Variants in NIPSNAP2 observed in about 807,000 individuals in gnomAD.
The protein encoded by NIPSNAP2 is protein NipSnap homolog 2.
In NIPSNAP2, 42 loss-of-function variants were observed where a neutral mutation model predicts 48.4. The ratio of observed to expected loss-of-function variants is 0.87; its 90% CI spans 0.68 to 1.12. The LOEUF (loss-of-function observed/expected upper bound fraction) is 1.12, where lower values mean the gene tolerates loss of function less well. NIPSNAP2 is among the 50% of genes most tolerant of loss of function. The pLI, the probability that NIPSNAP2 is intolerant of heterozygous loss-of-function variation, is 0.00. For synonymous variants in NIPSNAP2, 158 were observed against 126.6 expected (o/e 1.25, Z -1.67); for missense variants, 314 against 347.3 (o/e 0.90, Z 0.76).
At chr7:55,969,932 G>A (rs549948719) in intron 1 of NIPSNAP2, among the ~76,000 whole-genome samples, 144 of 146,360 alleles carry the variant, frequency 9.8e-4, no homozygotes, top group Admixed American at 6.6e-3. Context: ...GCAGTGAGCC[G>A]AGATCCCACC....
chr7:55,968,496 C>G (rs550197717), intron 1 of NIPSNAP2, among the ~76,000 whole-genome samples: 1 of 151,956 alleles, frequency 6.6e-6, no homozygotes, highest in East Asian at 1.9e-4. Flanking sequence ...AGTGATTCTC[C>G]TGTCTCAGCC....
intron 7 of NIPSNAP2, among the ~76,000 whole-genome samples, chr7:55,987,738 T>G (rs1209302876): frequency 6.6e-6 from 1 of 152,166 alleles, no homozygotes; most frequent in Admixed American, 6.6e-5. Flanking sequence ...TCTCCTTATG[T>G]GAAGTATCCA....
chr7:55,994,171 T>TG (rs1787508210), intron 7 of NIPSNAP2, among the ~76,000 whole-genome samples: 1 of 152,166 alleles, frequency 6.6e-6, no homozygotes, highest in African/African-American at 2.4e-5. Context: ...TACAGTGCCC[T>TG]GTGGCACCTT....
At chr7:55,998,883 A>G (rs1267782035) in intron 9 of NIPSNAP2, 125 bp from the exon 10 acceptor site, 5 of 814,438 alleles carry the variant, frequency 6.1e-6, no homozygotes, top group Non-Finnish European at 1.1e-5. Context: ...AGTCCTGTAT[A>G]TTATGATATT....
intron 7 of NIPSNAP2, among the ~76,000 whole-genome samples, chr7:55,985,231 A>T (rs1279992937): frequency 1.3e-5 from 2 of 152,062 alleles, no homozygotes; most frequent in South Asian, 2.1e-4. Context: ...CCTTTTTTTT[A>T]AAAGCAAAAC....
chr7:55,969,907 C>T (rs963508649), intron 1 of NIPSNAP2, among the ~76,000 whole-genome samples: 10 of 148,060 alleles, frequency 6.8e-5, no homozygotes, highest in Middle Eastern at 3.6e-3. Context: ...GGCGTGAACC[C>T]GGGAGGCGGA....
rs565391539 is a variant in NIPSNAP2, at chr7:55,983,661, A to G, written c.445-67A>G. On this transcript the variant is annotated intron_variant, in intron 5 of 9. Transcript: ENST00000322090. ...ATTATAGTATTCTGTAGGAACATCAATGTTACTGAAATGGGCTTATATGTA... is the reference window on the plus strand; with the variant it reads ...ATTATAGTATTCTGTAGGAACATCAGTGTTACTGAAATGGGCTTATATGTA... 3.9e-5 allele frequency: 60 copies of G among 1,525,602 alleles called. No homozygotes were observed. In the East Asian group the frequency reaches 7.7e-4, roughly 19 times the overall value. 94.5% of individuals were successfully genotyped at this position (1,525,602 alleles called of 1,614,324 possible). A position where few individuals can be genotyped will look rare whatever the true frequency, so the allele number is the denominator to read the frequency against.
chr7:55,982,286 G>A lies in NIPSNAP2; in HGVS notation c.444+6G>A, dbSNP rs889986819. 2 of 1,556,262 alleles carry A rather than the reference G, an allele frequency of 1.3e-6. No homozygotes were observed. The highest frequency in any genetic ancestry group is 8.9e-7 in the Non-Finnish European group (1 of 1,129,466). On this transcript the variant is annotated splice_donor_region_variant and intron_variant, in intron 5 of 9. Transcript: ENST00000322090. ...ATAAACTCAGAGAAAATAAGGTAATGATATTGAAAAATGTTTACTTAGACT... is the reference window on the plus strand; with the variant it reads ...ATAAACTCAGAGAAAATAAGGTAATAATATTGAAAAATGTTTACTTAGACT...
At chr7:55,998,491 C>CTTTTT (rs1406658343) in intron 9 of NIPSNAP2, among the ~76,000 whole-genome samples, 13 of 79,916 alleles carry the variant, frequency 1.6e-4, no homozygotes, top group Admixed American at 5.8e-4. Context: ...CAGGTAGGAT[C>CTTTTT]TGTTTTTTTT....
chr7:55,990,729 A>G (rs1787425744), intron 7 of NIPSNAP2, among the ~76,000 whole-genome samples: 1 of 151,988 alleles, frequency 6.6e-6, no homozygotes, highest in African/African-American at 2.4e-5. Context: ...CCTTGAAAAG[A>G]GAACTTGTAC....
intron 1 of NIPSNAP2, among the ~76,000 whole-genome samples, chr7:55,967,382 C>G (rs1013970476): frequency 6.6e-6 from 1 of 152,254 alleles, no homozygotes; most frequent in Admixed American, 6.5e-5. Flanking sequence ...TCCATCTTCA[C>G]TGCCCTAGCT....
chr7:55,978,144 C>T lies in NIPSNAP2; in HGVS notation c.111C>T (p.Ser37=). The T allele has an allele frequency of 1.9e-6, 3 of 1,614,170 alleles. No individual in the cohort carries two copies. Among genetic ancestry groups the T allele is most frequent in the Non-Finnish European group, 1.7e-6 (2 of 1,180,026 alleles). ...TCCATAGGACATGGACATCTTCCAG[C>T]AACAGATCTCGAGAAGACAGCTGGC... ...LPRLRTWTSS[S]NRSREDSWLK... The change falls in exon 2 of 10, where the codon AGC becomes AGT. Residue 37 remains serine (S), a synonymous_variant. Coordinates refer to ENST00000322090, the MANE Select transcript of NIPSNAP2 (RefSeq NM_001483.3).
chr7:55,981,165 G>T, intron 3 of NIPSNAP2: 17 of 166,162 alleles, frequency 1.0e-4, no homozygotes, highest in Non-Finnish European at 1.8e-4. Context: ...CCCCTCAAAT[G>T]GAAAATAGTA....
chr7:55,982,751 CA>C (rs35890311), intron 5 of NIPSNAP2, among the ~76,000 whole-genome samples: 33,833 of 114,616 alleles, frequency 0.3, 4,285 homozygotes, highest in Admixed American at 0.37. Flanking sequence ...GACTCTGTCT[CA>C]AAAAAAAAAA....
At chr7:55,983,659 C>T in intron 5 of NIPSNAP2, 69 bp from the exon 6 acceptor site, 1 of 1,511,448 alleles carries the variant, frequency 6.6e-7, no homozygotes, top group South Asian at 1.2e-5. Flanking sequence ...GTAGGAACAT[C>T]AATGTTACTG....
intron 5 of NIPSNAP2, among the ~76,000 whole-genome samples, chr7:55,983,173 A>G (rs1787256465): frequency 6.6e-6 from 1 of 152,178 alleles, no homozygotes; most frequent in South Asian, 2.1e-4. Context: ...TGGTGTATCA[A>G]TCAGCATGGC....
intron 5 of NIPSNAP2, among the ~76,000 whole-genome samples, chr7:55,983,188 A>T (rs1043925921): frequency 6.6e-6 from 1 of 152,170 alleles, no homozygotes; most frequent in Non-Finnish European, 1.5e-5. Flanking sequence ...CATGGCAGGC[A>T]CAATTAGCTC....
intron 3 of NIPSNAP2, 37 bp downstream of exon 3, chr7:55,978,432 T>C (rs1202540597): frequency 6.5e-7 from 1 of 1,548,872 alleles, no homozygotes; most frequent in Non-Finnish European, 8.8e-7. Context: ...TGGGGAAAAA[T>C]AATGACTTTA....
At chr7:55,967,038 G>A (rs569230699) in intron 1 of NIPSNAP2, among the ~76,000 whole-genome samples, 3 of 152,348 alleles carry the variant, frequency 2.0e-5, no homozygotes, top group East Asian at 1.9e-4. Flanking sequence ...GGAGAAGGGC[G>A]TCCTCCCGGG....
Sources: allele counts gnomAD v4.1 joint callset (sites outside exome capture counted in the v4.1 genomes callset), GRCh38; gene constraint gnomAD v4.1.1; transcripts MANE v1.5; gene names NCBI Gene and HGNC (gene_info 2026-07-23, HGNC 2026-07-21).